The following GTF2IRD1 variants were observed in gnomAD, a reference collection of about 807,000 sequenced individuals.
The protein encoded by GTF2IRD1 is GTF2I repeat domain containing 1.
A neutral mutation model predicts 113.2 loss-of-function variants in GTF2IRD1; 26 were observed. The observed-to-expected ratio is 0.23, with a 90% CI of 0.17 to 0.32. GTF2IRD1 has a LOEUF of 0.32. GTF2IRD1 is among the 10% of genes least tolerant of loss of function. The pLI, the probability that GTF2IRD1 is intolerant of heterozygous loss-of-function variation, is 1.00. For synonymous variants in GTF2IRD1, 484 were observed against 529.1 expected (o/e 0.91, Z 1.17); for missense variants, 864 against 1,280.8 (o/e 0.67, Z 4.97).
chr7:74,599,310 C>T (rs782334637), intron 25 of GTF2IRD1, among the ~76,000 whole-genome samples: 2 of 152,072 alleles, frequency 1.3e-5, no homozygotes, highest in African/African-American at 2.4e-5. Flanking sequence ...TTGGGCTGGG[C>T]GAGGTTTCCA....
At chr7:74,575,143 C>CG (rs1800961454) in intron 22 of GTF2IRD1, among the ~76,000 whole-genome samples, 4 of 151,954 alleles carry the variant, frequency 2.6e-5, no homozygotes, top group East Asian at 1.9e-4. Context: ...CATGGTGGGG[C>CG]GGGGGGATAA....
At chr7:74,539,767 G>T in intron 13 of GTF2IRD1, 112 bp from the exon 14 acceptor site, 1 of 667,194 alleles carries the variant, frequency 1.5e-6, no homozygotes, top group Non-Finnish European at 2.6e-6. Flanking sequence ...AAAAGAGACA[G>T]AAAGAAAAGG....
intron 1 of GTF2IRD1, among the ~76,000 whole-genome samples, chr7:74,480,637 A>C (rs1794683736): frequency 1.3e-5 from 2 of 152,048 alleles, no homozygotes; most frequent in South Asian, 2.1e-4. Context: ...TCAGGCTTTA[A>C]ATAACAAGGG....
chr7:74,521,125 G>C (rs1320255195), intron 6 of GTF2IRD1, 83 bp from the exon 7 acceptor site: 1 of 770,440 alleles, frequency 1.3e-6, no homozygotes, highest in East Asian at 2.5e-5. Context: ...TTACCCCAGA[G>C]CCAGGGCCTG....
At chr7:74,483,916 G>C (rs78502374) in intron 1 of GTF2IRD1, among the ~76,000 whole-genome samples, 3,334 of 152,044 alleles carry the variant, frequency 0.022, 118 homozygotes, top group African/African-American at 0.076. Flanking sequence ...CAAAAATGCA[G>C]TGTCTCACTT....
chr7:74,498,393 G>A (rs938993283), intron 1 of GTF2IRD1, among the ~76,000 whole-genome samples: 14 of 152,098 alleles, frequency 9.2e-5, no homozygotes, highest in South Asian at 4.1e-4. Flanking sequence ...CCATTCTGTG[G>A]TTTGCCTTTT....
At chr7:74,574,994 G>A (rs1554364026) in intron 22 of GTF2IRD1, among the ~76,000 whole-genome samples, 1 of 152,078 alleles carries the variant, frequency 6.6e-6, no homozygotes, top group African/African-American at 2.4e-5. Flanking sequence ...GGAGGCTGAG[G>A]CAGGAGAATC....
chr7:74,526,755 A>G (rs1372149167), intron 8 of GTF2IRD1, among the ~76,000 whole-genome samples: 4 of 142,510 alleles, frequency 2.8e-5, no homozygotes, highest in Admixed American at 7.0e-5. Context: ...CAAAGGACCA[A>G]TTGCTCAAGG....
chr7:74,525,079 T>TC (rs1797526020), intron 8 of GTF2IRD1, among the ~76,000 whole-genome samples: 1 of 152,012 alleles, frequency 6.6e-6, no homozygotes, highest in African/African-American at 2.4e-5. Context: ...AGGGGAACTA[T>TC]CCATAAGGCC....
chr7:74,511,716 C>A (rs577665535), intron 2 of GTF2IRD1, among the ~76,000 whole-genome samples: 14 of 152,098 alleles, frequency 9.2e-5, no homozygotes, highest in South Asian at 2.1e-4. Context: ...CACAGAACTG[C>A]GTTTGGAAGC....
intron 1 of GTF2IRD1, among the ~76,000 whole-genome samples, chr7:74,481,164 A>AT (rs1205399164): frequency 1.3e-5 from 2 of 151,978 alleles, no homozygotes; most frequent in African/African-American, 4.8e-5. Flanking sequence ...TAAAAGGAAA[A>AT]TTTTTTTAGA....
chr7:74,520,279 G>A (rs1434849113), intron 6 of GTF2IRD1, among the ~76,000 whole-genome samples: 1 of 151,920 alleles, frequency 6.6e-6, no homozygotes. Flanking sequence ...GGGGGAAGTA[G>A]GTCCTGGAAG....
At chr7:74,492,907 C>G (rs1795450151) in intron 1 of GTF2IRD1, among the ~76,000 whole-genome samples, 1 of 152,042 alleles carries the variant, frequency 6.6e-6, no homozygotes, top group African/African-American at 2.4e-5. Context: ...GACTTCTCTT[C>G]TATATGGATG....
intron 1 of GTF2IRD1, among the ~76,000 whole-genome samples, chr7:74,455,722 A>G (rs1792925371): frequency 6.6e-6 from 1 of 152,152 alleles, no homozygotes. Context: ...GTGACAGGGT[A>G]TCGGAACCCC....
chr7:74,594,909 G>A lies in GTF2IRD1; in HGVS notation c.2592-105G>A, dbSNP rs185516737. 1.1e-3 allele frequency: 723 copies of A among 661,670 alleles called. 2 individuals are homozygous for A. Among genetic ancestry groups the A allele is most frequent in the Non-Finnish European group, 1.3e-3 (508 of 376,378 alleles). The allele number at this position is 661,670 out of a possible 1,614,324, so 41.0% of individuals were successfully genotyped here. On this transcript the variant is annotated intron_variant, in intron 24 of 26. Transcript: ENST00000424337. ...GGAGGCTGCAGTGAGCTGAAATTGC[G>A]CCACTGCACTTCAGCCTGGGCAACC...
intron 1 of GTF2IRD1, among the ~76,000 whole-genome samples, chr7:74,496,729 G>C (rs546425450): frequency 6.6e-6 from 1 of 152,140 alleles, no homozygotes; most frequent in Admixed American, 6.6e-5. Flanking sequence ...AGATGTGCTT[G>C]TTAGGTGCCC....
At chr7:74,577,102 A>G (rs587626388) in intron 22 of GTF2IRD1, among the ~76,000 whole-genome samples, 8 of 151,816 alleles carry the variant, frequency 5.3e-5, no homozygotes, top group Non-Finnish European at 1.0e-4. Flanking sequence ...CAGTGGCGCA[A>G]TCTCGGCTCA....
intron 8 of GTF2IRD1, among the ~76,000 whole-genome samples, chr7:74,528,295 C>T (rs1212769795): frequency 6.6e-6 from 1 of 152,138 alleles, no homozygotes; most frequent in African/African-American, 2.4e-5. Context: ...ACTGCATCTT[C>T]GAACTCCTGG....
In GTF2IRD1 at chr7:74,518,164, G is replaced by T. The variant is rs145535993; in HGVS notation, c.447G>T (p.Val149=). Residue 149 remains valine, a synonymous_variant, in exon 5 of 27, where the codon GTG becomes GTT. Transcript: ENST00000424337. ...LYSEALGRAS[V]VPLPYERLLR... ...GCGAGGCCCTGGGAAGGGCCAGTGT[G>T]GTGCCACTGCCCTATGAGAGGCTGC... 14,459 of 1,600,966 alleles carry T rather than the reference G, an allele frequency of 9.0e-3. 82 individuals are homozygous for T. Among genetic ancestry groups the T allele is most frequent in the Non-Finnish European group, 0.011 (12,798 of 1,172,146 alleles).
Sources: gnomAD v4.1 joint callset for allele counts (sites outside exome capture counted in the v4.1 genomes callset) on GRCh38, gnomAD v4.1.1 for gene constraint, MANE v1.5 for transcripts, NCBI Gene and HGNC (gene_info 2026-07-23, HGNC 2026-07-21) for gene names.